QSOX2: variants seen among roughly 807,000 people sequenced by gnomAD.
QSOX2 encodes sulfhydryl oxidase 2.
Under a neutral mutation model 61.7 loss-of-function variants are expected in QSOX2, and 46 were observed. The ratio of observed to expected loss-of-function variants is 0.75; its 90% CI spans 0.59 to 0.95. QSOX2 has a LOEUF of 0.95. Ranked by LOEUF, QSOX2 falls within the 40% of genes least tolerant of loss-of-function variation. The pLI, the probability that QSOX2 is intolerant of heterozygous loss-of-function variation, is 0.00. For missense variants in QSOX2, 879 were observed against 918.9 expected, an observed-to-expected ratio of 0.96 and a Z score of 0.56; for synonymous variants, 383 against 388.4, an observed-to-expected ratio of 0.99 and a Z score of 0.16.
Position 136,216,727 on chromosome 9 carries a change from A to G in QSOX2, c.1087-5T>C, listed in dbSNP as rs376746282. 27 of 1,612,852 alleles carry G rather than the reference A, an allele frequency of 1.7e-5. No homozygotes were observed. Among genetic ancestry groups the G allele is most frequent in the Admixed American group, 5.0e-5 (3 of 59,984 alleles). On this transcript the variant is annotated splice_region_variant and splice_polypyrimidine_tract_variant and intron_variant, in intron 8 of 11. Transcript: ENST00000358701. ...TGGCGGCCGTCCAGGGAACAGCTGC[A>G]TGAGGAAGGAGCCACCTGAGAGCTA...
rs1831792663 is a variant in QSOX2, at chr9:136,208,113, G to A, written c.*615C>T. On this transcript the variant is annotated 3_prime_UTR_variant, in exon 12 of 12. Transcript: ENST00000358701. ...CCGGAGGAACAAGGAGAGCCCTCAG[G>A]AACCTGCCCTAGGGAAGCAGCTACA... is the stretch of plus-strand genomic sequence containing the variant. 6.6e-6 allele frequency: 1 copy of A among 151,864 alleles called. No homozygotes were observed. Among genetic ancestry groups the A allele is most frequent in the Non-Finnish European group, 1.5e-5 (1 of 67,972 alleles). 9.4% of individuals were successfully genotyped at this position (151,864 alleles called of 1,614,324 possible). A position where few individuals can be genotyped will look rare whatever the true frequency, so the allele number is the denominator to read the frequency against.
At position 136,219,050 on chromosome 9, in the gene QSOX2, C is replaced by A. The variant is rs757458089; in HGVS notation, c.936G>T (p.Val312=). Residue 312 remains valine (V), a synonymous_variant, in exon 7 of 12, where the codon GTG becomes GTT. Coordinates refer to ENST00000358701, the MANE Select transcript of QSOX2 (RefSeq NM_181701.4). ...CTTGCTTGTCAAATTCTCTCCAAAC[C>A]ACGATTTCTGAATTTTCTTCTTTGT... The part of the protein sequence containing the change: ...KPHKEENSEI[V]VWREFDKSKL... The A allele has an allele frequency of 1.2e-6, 2 of 1,613,996 alleles. No individual in the cohort carries two copies. The highest frequency in any genetic ancestry group is 1.7e-6 in the Non-Finnish European group (2 of 1,180,028).
intron 1 of QSOX2, among the ~76,000 whole-genome samples, chr9:136,236,963 G>C (rs1830389251): frequency 6.7e-6 from 1 of 149,380 alleles, no homozygotes; most frequent in African/African-American, 2.5e-5. Context: ...CCCGTCCTGT[G>C]CCACACCTGG....
At chr9:136,238,959 C>T (rs980538990) in intron 1 of QSOX2, among the ~76,000 whole-genome samples, 4 of 152,152 alleles carry the variant, frequency 2.6e-5, no homozygotes, top group African/African-American at 9.7e-5. Flanking sequence ...TCAAAGCCAA[C>T]CCGGACCACA....
intron 1 of QSOX2, among the ~76,000 whole-genome samples, chr9:136,243,104 C>G (rs1830445898): frequency 6.6e-6 from 1 of 152,202 alleles, no homozygotes; most frequent in Admixed American, 6.5e-5. Context: ...AGCAACGACA[C>G]CAAACTCCAG....
At chr9:136,242,415 G>A (rs963218128) in intron 1 of QSOX2, among the ~76,000 whole-genome samples, 3 of 152,246 alleles carry the variant, frequency 2.0e-5, no homozygotes, top group Non-Finnish European at 2.9e-5. Flanking sequence ...GGGAGAAGGC[G>A]GCTGGACACT....
At chr9:136,218,619 G>A (rs113368496) in intron 8 of QSOX2, 60 bp downstream of exon 8, 26 of 1,562,936 alleles carry the variant, frequency 1.7e-5, no homozygotes, top group Middle Eastern at 2.0e-4. Context: ...ACGCCCCCCA[G>A]GGCCCACTCT....
At chr9:136,237,142 C>G (rs1830391895) in intron 1 of QSOX2, among the ~76,000 whole-genome samples, 1 of 148,590 alleles carries the variant, frequency 6.7e-6, no homozygotes, top group African/African-American at 2.5e-5. Context: ...GCCGGCGTCA[C>G]CTGGAGCCCG....
intron 6 of QSOX2, 64 bp from the exon 7 acceptor site, chr9:136,219,228 G>A (rs780547387): frequency 1.0e-4 from 159 of 1,566,326 alleles, no homozygotes; most frequent in Non-Finnish European, 1.1e-4. Context: ...AGTAGGAGCC[G>A]TGGCATTCAG....
chr9:136,212,569 C>T (rs1394091969), intron 10 of QSOX2, among the ~76,000 whole-genome samples: 5 of 152,240 alleles, frequency 3.3e-5, no homozygotes, highest in Admixed American at 1.3e-4. Flanking sequence ...CAGCCTTGAG[C>T]GTGTCCACGG....
intron 10 of QSOX2, 60 bp downstream of exon 10, chr9:136,215,094 G>A (rs914231852): frequency 8.9e-6 from 14 of 1,578,948 alleles, no homozygotes; most frequent in South Asian, 4.7e-5. Flanking sequence ...TGCACACACC[G>A]GCTGGGTTAA....
chr9:136,222,949 C>A lies in QSOX2; in HGVS notation c.675+814G>T, dbSNP rs908560197. ...TCCTGGCCAACCATCTGGAGGCAGC[C>A]TGGCGTCACCATCAAACCTGGAGGG... On this transcript the variant is annotated intron_variant, in intron 5 of 11. Transcript: ENST00000358701. This position sits in a 1 kb window ranked among gnomAD's most constrained non-coding sequence, Gnocchi z 6.9. Among the ~76,000 whole-genome samples, 2 of 152,250 alleles carry A rather than the reference C, an allele frequency of 1.3e-5. No individual in the cohort carries two copies. The highest frequency in any genetic ancestry group is 4.8e-5 in the African/African-American group (2 of 41,470).
chr9:136,211,055 T>C (rs1387641657), intron 11 of QSOX2, among the ~76,000 whole-genome samples: 2 of 148,048 alleles, frequency 1.4e-5, no homozygotes, highest in African/African-American at 5.3e-5. Flanking sequence ...GAGAGAAGCA[T>C]CTAGAAAGCC....
At chr9:136,227,171 G>A (rs1020319755) in intron 1 of QSOX2, among the ~76,000 whole-genome samples, 2 of 152,230 alleles carry the variant, frequency 1.3e-5, no homozygotes, top group East Asian at 1.9e-4. Context: ...ATGACACCCT[G>A]ATGGATGAAA....
chr9:136,206,766 A>G lies in QSOX2; in HGVS notation c.*1962T>C, dbSNP rs1035078355. 6.6e-6 allele frequency: 1 copy of G among 152,292 alleles called. No individual in the cohort carries two copies. The highest frequency in any genetic ancestry group is 1.5e-5 in the Non-Finnish European group (1 of 68,040). 9.4% of individuals were successfully genotyped at this position (152,292 alleles called of 1,614,324 possible). A position where few individuals can be genotyped will look rare whatever the true frequency, so the allele number is the denominator to read the frequency against. ...TGCAATATGATGAAACCTGCAGCCA[A>G]CACTGCCCTCCACAAGGGTTTCTGG... On this transcript the variant is annotated 3_prime_UTR_variant, in exon 12 of 12. Coordinates refer to ENST00000358701, the MANE Select transcript of QSOX2 (RefSeq NM_181701.4).
At chr9:136,244,171 A>G (rs989641091) in intron 1 of QSOX2, among the ~76,000 whole-genome samples, 1 of 152,208 alleles carries the variant, frequency 6.6e-6, no homozygotes, top group African/African-American at 2.4e-5. Context: ...CAAGAACTGA[A>G]GGGTTCCCTA....
chr9:136,241,738 C>T (rs745884218), intron 1 of QSOX2, among the ~76,000 whole-genome samples: 6 of 152,228 alleles, frequency 3.9e-5, no homozygotes, highest in African/African-American at 7.2e-5. Flanking sequence ...GCCTGTTCCA[C>T]GCAACCTCAT....
chr9:136,244,340 C>A (rs1830453914), intron 1 of QSOX2, among the ~76,000 whole-genome samples: 1 of 152,142 alleles, frequency 6.6e-6, no homozygotes, highest in South Asian at 2.1e-4. Flanking sequence ...CCATTAGAAT[C>A]AAAAGGCCCC....
intron 6 of QSOX2, among the ~76,000 whole-genome samples, 192 bp from the exon 7 acceptor site, chr9:136,219,356 GAC>G (rs1233513396): frequency 6.6e-6 from 1 of 152,188 alleles, no homozygotes; most frequent in Non-Finnish European, 1.5e-5. Context: ...GATAAGAGGA[GAC>G]ACACCAAATC....
Sources: allele counts gnomAD v4.1 joint callset (sites outside exome capture counted in the v4.1 genomes callset), GRCh38; gene constraint gnomAD v4.1.1; non-coding constraint Gnocchi (gnomAD v3.1); transcripts MANE v1.5; gene names NCBI Gene and HGNC (gene_info 2026-07-23, HGNC 2026-07-21).